The following DIS3L2 variants were observed in gnomAD, a reference collection of about 807,000 sequenced individuals.
DIS3L2 encodes DIS3-like exonuclease 2.
A neutral mutation model predicts 97.5 loss-of-function variants in DIS3L2; 34 were observed. The ratio of observed to expected loss-of-function variants is 0.35; its 90% CI spans 0.27 to 0.46. DIS3L2 has a LOEUF of 0.46. Ranked by LOEUF, DIS3L2 falls within the 20% of genes least tolerant of loss-of-function variation. The pLI is 1.00. For synonymous variants in DIS3L2, 435 were observed against 445.2 expected, an observed-to-expected ratio of 0.98 and a Z score of 0.29; for missense variants, 1,038 against 1,146.0, an observed-to-expected ratio of 0.91 and a Z score of 1.36.
intron 9 of DIS3L2, among the ~76,000 whole-genome samples, chr2:232,205,990 A>G (rs755287196): frequency 7.9e-5 from 12 of 152,212 alleles, no homozygotes; most frequent in Non-Finnish European, 1.5e-4. Context: ...CAGTGATAGC[A>G]TAGTCATTTG....
chr2:232,195,739 C>A (rs929641792), intron 9 of DIS3L2, among the ~76,000 whole-genome samples: 1 of 151,902 alleles, frequency 6.6e-6, no homozygotes, highest in South Asian at 2.1e-4. Context: ...GGGATGAACC[C>A]CCACTCCCTG....
chr2:232,310,150 C>T (rs1695085638), intron 14 of DIS3L2, among the ~76,000 whole-genome samples: 1 of 152,222 alleles, frequency 6.6e-6, no homozygotes, highest in Non-Finnish European at 1.5e-5. Context: ...GCCTCCAGGC[C>T]TCCCAGACAC....
intron 1 of DIS3L2, among the ~76,000 whole-genome samples, chr2:231,993,536 A>G (rs1043260639): frequency 2.6e-5 from 4 of 152,076 alleles, no homozygotes; most frequent in East Asian, 3.9e-4. Flanking sequence ...TTTCTTTATC[A>G]GTAATCCTTG....
At chr2:232,263,494 A>G in intron 13 of DIS3L2, 54 bp downstream of exon 13, 1 of 1,545,668 alleles carries the variant, frequency 6.5e-7, no homozygotes, top group South Asian at 1.1e-5. Context: ...GCCTGAACCC[A>G]GCGTGGATGA....
At chr2:232,027,479 A>T (rs1204102894) in intron 4 of DIS3L2, among the ~76,000 whole-genome samples, 1 of 152,144 alleles carries the variant, frequency 6.6e-6, no homozygotes, top group Non-Finnish European at 1.5e-5. Context: ...AAATGAGGGG[A>T]TGGAGTAAAT....
rs954655897 is a variant in DIS3L2 at position 232,263,390 on chromosome 2, A to C, written c.1609A>C (p.Lys537Gln). 1.9e-6 allele frequency: 3 copies of C among 1,614,082 alleles called. No homozygotes were observed. The highest frequency in any genetic ancestry group is 1.7e-6 in the Non-Finnish European group (2 of 1,180,042). ...CGTCTTGAATCTCCACGGAATTGCC[A>C]AGCAGTTACGCCAGCAGCGCTTTGT... ...QAVLNLHGIAKQLRQQRFVDG... is the reference protein window; with the variant it reads ...QAVLNLHGIAQQLRQQRFVDG... Residue 537 changes from lysine to glutamine, a missense_variant, in exon 13 of 21, where the codon AAG becomes CAG. This residue lies in a region of DIS3L2 where 813 missense variants were observed against 880.1 expected (regional missense o/e 0.92). Coordinates refer to ENST00000325385, the MANE Select transcript of DIS3L2 (RefSeq NM_152383.5).
At chr2:232,318,128 A>ACAGAGGCCAGAGGC (rs142504543) in intron 14 of DIS3L2, among the ~76,000 whole-genome samples, 7 of 152,128 alleles carry the variant, frequency 4.6e-5, no homozygotes, top group African/African-American at 1.7e-4. Flanking sequence ...CCAGGCCTCC[A>ACAGAGGCCAGAGGC]CAGAGGCCAG....
At position 232,330,791 on chromosome 2, in the gene DIS3L2, G is replaced by A. The variant is rs1467933349; in HGVS notation, c.2010+15G>A. On this transcript the variant is annotated intron_variant, in intron 16 of 20. Coordinates refer to ENST00000325385, the MANE Select transcript of DIS3L2 (RefSeq NM_152383.5). ...GGCCCATGCAGGTAAGGAGGGCCCAGCCCCGGCCTCCCCTGCTCCCAGGAG... is the reference window on the plus strand; with the variant it reads ...GGCCCATGCAGGTAAGGAGGGCCCAACCCCGGCCTCCCCTGCTCCCAGGAG... 6.2e-7 allele frequency: 1 copy of A among 1,606,840 alleles called. No individual in the cohort carries two copies. The highest frequency in any genetic ancestry group is 1.7e-5 in the Admixed American group (1 of 60,032).
At chr2:231,979,707 A>C (rs1014799255) in intron 1 of DIS3L2, among the ~76,000 whole-genome samples, 1 of 151,926 alleles carries the variant, frequency 6.6e-6, no homozygotes, top group Non-Finnish European at 1.5e-5. Context: ...CCTCCTGAGT[A>C]GCTGGGATTA....
chr2:232,086,657 ATATGTGTGTGTGTGTGTGTG>A (rs1696652255), intron 5 of DIS3L2, among the ~76,000 whole-genome samples: 1 of 36,778 alleles, frequency 2.7e-5, no homozygotes, highest in African/African-American at 8.7e-5. Flanking sequence ...ATATATATAT[ATATGTGTGTGTGTGTGTGTG>A]TATATATATA....
At chr2:232,187,582 A>T (rs1291508564) in intron 9 of DIS3L2, among the ~76,000 whole-genome samples, 5 of 152,054 alleles carry the variant, frequency 3.3e-5, no homozygotes, top group Non-Finnish European at 7.4e-5. Context: ...AGCTGGGACT[A>T]CAGGTGCGCG....
intron 5 of DIS3L2, among the ~76,000 whole-genome samples, chr2:232,060,370 C>G (rs1377492587): frequency 6.6e-6 from 1 of 151,960 alleles, no homozygotes; most frequent in East Asian, 1.9e-4. Context: ...AGTTTGAGGT[C>G]TTAGATTTAA....
chr2:232,175,648 T>C (rs1385951540), intron 9 of DIS3L2, among the ~76,000 whole-genome samples: 1 of 152,108 alleles, frequency 6.6e-6, no homozygotes, highest in Non-Finnish European at 1.5e-5. Flanking sequence ...CATGTCTCTA[T>C]AGTTTGGTGT....
intron 14 of DIS3L2, among the ~76,000 whole-genome samples, chr2:232,306,635 TA>T (rs969457580): frequency 1.3e-5 from 2 of 152,236 alleles, no homozygotes; most frequent in African/African-American, 4.8e-5. Flanking sequence ...TGAATAAACT[TA>T]AATATGGTCA....
chr2:232,296,007 T>C (rs963905489), intron 13 of DIS3L2, among the ~76,000 whole-genome samples: 2 of 152,238 alleles, frequency 1.3e-5, no homozygotes, highest in African/African-American at 4.8e-5. Flanking sequence ...TCTTATCCCT[T>C]CAGGTTACAA....
At chr2:232,083,290 C>G (rs59510701) in intron 5 of DIS3L2, among the ~76,000 whole-genome samples, 2 of 67,388 alleles carry the variant, frequency 3.0e-5, no homozygotes, top group Non-Finnish European at 6.5e-5. Context: ...CCCCCCCCCC[C>G]CCCCCACATA....
intron 14 of DIS3L2, among the ~76,000 whole-genome samples, chr2:232,302,252 G>A (rs1182969071): frequency 1.3e-5 from 2 of 151,902 alleles, no homozygotes; most frequent in Non-Finnish European, 2.9e-5. Flanking sequence ...TGGGGGGAGT[G>A]GGGAGGGATA....
rs554025281 is a variant in DIS3L2, at chr2:232,136,829, G to A, written c.950+110G>A. The A allele has an allele frequency of 7.2e-5, 99 of 1,370,368 alleles. 2 individuals are homozygous for A. In the East Asian group the frequency reaches 1.7e-3, roughly 24 times the overall value. The allele number at this position is 1,370,368 out of a possible 1,614,324, so 84.9% of individuals were successfully genotyped here. On this transcript the variant is annotated intron_variant, in intron 8 of 20. Transcript: ENST00000325385. ...AATTATTATTTCTTTATTGAAGCAC[G>A]GTTTCTGGTGTATTTTGGTCCTGAT...
chr2:231,995,535 C>G (rs775565729), intron 1 of DIS3L2, among the ~76,000 whole-genome samples: 5 of 152,126 alleles, frequency 3.3e-5, no homozygotes, highest in Non-Finnish European at 7.4e-5. Context: ...CCAAGGGGCT[C>G]ACTTCAACCT....
Sources: gnomAD v4.1 joint callset for allele counts (sites outside exome capture counted in the v4.1 genomes callset) on GRCh38, gnomAD v4.1.1 for gene constraint, gnomAD v4.1.1 regional missense constraint, MANE v1.5 for transcripts, NCBI Gene and HGNC (gene_info 2026-07-23, HGNC 2026-07-21) for gene names.